The following EXT2 variants were observed in gnomAD, a reference collection of about 807,000 sequenced individuals.
The protein encoded by EXT2 is exostosin glycosyltransferase 2, also known as exostosin-2.
EXT2 carries 53 observed loss-of-function variants against 81.6 expected under a neutral mutation model. The ratio of observed to expected loss-of-function variants is 0.65; its 90% CI spans 0.52 to 0.82. The LOEUF (loss-of-function observed/expected upper bound fraction) is 0.82. Ranked by LOEUF, EXT2 falls within the 40% of genes least tolerant of loss-of-function variation. The probability of loss-of-function intolerance (pLI) is 0.00; values close to 1 mark genes in which losing one functional copy is unlikely to be tolerated. For missense variants in EXT2, 774 were observed against 910.2 expected (o/e 0.85, Z 1.93); for synonymous variants, 320 against 340.0 (o/e 0.94, Z 0.65).
intron 8 of EXT2, among the ~76,000 whole-genome samples, chr11:44,172,107 T>G (rs983367152): frequency 6.6e-6 from 1 of 152,226 alleles, no homozygotes; most frequent in East Asian, 1.9e-4. Flanking sequence ...AGCTTGTATT[T>G]TGAGTGCTTA....
chr11:44,146,544 C>T (rs1954720065), intron 7 of EXT2, among the ~76,000 whole-genome samples: 1 of 152,186 alleles, frequency 6.6e-6, no homozygotes, highest in Admixed American at 6.5e-5. Flanking sequence ...TTCACTACCA[C>T]CTCATTCCGT....
intron 10 of EXT2, among the ~76,000 whole-genome samples, chr11:44,226,728 G>A (rs2135247898): frequency 6.6e-6 from 1 of 152,358 alleles, no homozygotes; most frequent in South Asian, 2.1e-4. Context: ...AAGCCTGAAG[G>A]GAAGAAGGGC....
intron 8 of EXT2, among the ~76,000 whole-genome samples, chr11:44,180,251 T>A (rs912746497): frequency 2.0e-5 from 3 of 152,206 alleles, no homozygotes; most frequent in Non-Finnish European, 4.4e-5. Context: ...TTTTCTCCTG[T>A]TGTTTCTACT....
chr11:44,146,624 A>G (rs1227229187), intron 7 of EXT2, among the ~76,000 whole-genome samples: 1 of 152,190 alleles, frequency 6.6e-6, no homozygotes, highest in Non-Finnish European at 1.5e-5. Context: ...TCTGCCCTGG[A>G]TACCTCATCC....
At chr11:44,166,324 T>C (rs974358346) in intron 7 of EXT2, among the ~76,000 whole-genome samples, 3 of 152,160 alleles carry the variant, frequency 2.0e-5, no homozygotes, top group Non-Finnish European at 4.4e-5. Context: ...TGTAAACATT[T>C]TGGCTGGATG....
intron 10 of EXT2, among the ~76,000 whole-genome samples, chr11:44,227,888 A>G (rs540980045): frequency 1.4e-4 from 21 of 152,368 alleles, no homozygotes; most frequent in African/African-American, 4.8e-4. Context: ...AAGAGTGTCC[A>G]GCATAAAGGT....
At chr11:44,155,583 T>G (rs543235742) in intron 7 of EXT2, among the ~76,000 whole-genome samples, 1 of 152,246 alleles carries the variant, frequency 6.6e-6, no homozygotes, top group East Asian at 1.9e-4. Context: ...TAACACTGAT[T>G]GCAAAAACAA....
chr11:44,120,300 G>T (rs10838236), intron 4 of EXT2, among the ~76,000 whole-genome samples: 3 of 151,996 alleles, frequency 2.0e-5, no homozygotes, highest in Non-Finnish European at 2.9e-5. Flanking sequence ...TCAATAACCC[G>T]ATAGGAGTGT....
intron 4 of EXT2, chr11:44,116,219 C>G (rs12807350): frequency 0.26 from 40,275 of 152,046 alleles, 6,268 homozygotes; most frequent in Admixed American, 0.43. Context: ...TGCTTTTTCT[C>G]TCTATGGGTT....
chr11:44,186,164 T>G (rs1156703549), intron 8 of EXT2, among the ~76,000 whole-genome samples: 1 of 152,252 alleles, frequency 6.6e-6, no homozygotes, highest in Non-Finnish European at 1.5e-5. Context: ...GTAAAACAGC[T>G]GAACTGTTAT....
chr11:44,115,049 C>A (rs1159701758), intron 4 of EXT2, among the ~76,000 whole-genome samples: 1 of 152,140 alleles, frequency 6.6e-6, no homozygotes. Flanking sequence ...ACCTTCTTGG[C>A]CTCTGCCCTG....
rs200809171 is a variant in EXT2, at chr11:44,107,917, G to A, written c.205G>A (p.Val69Ile). ...GCGCAGCATCCGTGATGTGCCGGTTGTTAGGCTGCCAGCCGACAGTCCCAT... is the reference window on the plus strand; with the variant it reads ...GCGCAGCATCCGTGATGTGCCGGTTATTAGGCTGCCAGCCGACAGTCCCAT... ...EKRSIRDVPV[V>I]RLPADSPIPE... The change falls in exon 2 of 14, where the codon GTT (valine) becomes ATT (isoleucine). Residue 69 changes from valine (V) to isoleucine (I), a missense_variant. By Grantham distance (29) the Val-to-Ile change is conservative (BLOSUM62 3). Coordinates refer to ENST00000533608, the MANE Select transcript of EXT2 (RefSeq NM_207122.2). 4 of 1,614,118 alleles carry A rather than the reference G, an allele frequency of 2.5e-6. No individual in the cohort carries two copies. Among genetic ancestry groups the A allele is most frequent in the South Asian group, 1.1e-5 (1 of 91,090 alleles).
In EXT2 at chr11:44,250,994, T is replaced by C. The variant is rs924700702; in HGVS notation, c.*6707T>C. 7.2e-5 allele frequency among the ~76,000 whole-genome samples: 11 copies of C among 152,224 alleles called. No homozygotes were observed. Among genetic ancestry groups the C allele is most frequent in the African/African-American group, 1.9e-4 (8 of 41,446 alleles). On this transcript the variant is annotated 3_prime_UTR_variant, in exon 14 of 14. Coordinates refer to ENST00000533608, the MANE Select transcript of EXT2 (RefSeq NM_207122.2). ...CCAATAGTCTTTCTCTAGTAGATCA[T>C]TGGGGGCTCACCTTGATCTCCTCTC...
intron 7 of EXT2, among the ~76,000 whole-genome samples, chr11:44,149,523 G>T (rs1954764995): frequency 6.6e-6 from 1 of 152,196 alleles, no homozygotes; most frequent in Non-Finnish European, 1.5e-5. Flanking sequence ...TAAAGAGCTT[G>T]TAAATACGTA....
chr11:44,194,448 A>G (rs1216732841), intron 8 of EXT2, among the ~76,000 whole-genome samples: 1 of 152,208 alleles, frequency 6.6e-6, no homozygotes, highest in Non-Finnish European at 1.5e-5. Context: ...TGAATTTTCC[A>G]AAGTCTATAA....
intron 12 of EXT2, among the ~76,000 whole-genome samples, chr11:44,234,762 A>G (rs1156706314): frequency 3.3e-5 from 5 of 152,206 alleles, no homozygotes; most frequent in African/African-American, 7.2e-5. Flanking sequence ...CAAAGATCCT[A>G]TGGGAGGCTT....
chr11:44,158,565 T>C (rs1472795616), intron 7 of EXT2, among the ~76,000 whole-genome samples: 1 of 150,604 alleles, frequency 6.6e-6, no homozygotes, highest in Non-Finnish European at 1.5e-5. Context: ...TTTAATTAAA[T>C]TAATTAATTT....
At chr11:44,143,380 A>G (rs1954671803) in intron 7 of EXT2, among the ~76,000 whole-genome samples, 1 of 152,212 alleles carries the variant, frequency 6.6e-6, no homozygotes, top group Admixed American at 6.5e-5. Flanking sequence ...CAAACTTCAC[A>G]TATCACTCCT....
intron 8 of EXT2, among the ~76,000 whole-genome samples, chr11:44,181,650 G>A (rs1955237779): frequency 6.6e-6 from 1 of 151,766 alleles, no homozygotes; most frequent in South Asian, 2.1e-4. Context: ...TTTTTTTCCT[G>A]GACTTCTAGT....
Sources: gnomAD v4.1 joint callset for allele counts (sites outside exome capture counted in the v4.1 genomes callset) on GRCh38, gnomAD v4.1.1 for gene constraint, MANE v1.5 for transcripts, NCBI Gene and HGNC (gene_info 2026-07-23, HGNC 2026-07-21) for gene names.